Variants in PHYHIPL observed in about 807,000 individuals in gnomAD.
PHYHIPL encodes phytanoyl-CoA hydroxylase-interacting protein-like.
In PHYHIPL, 9 loss-of-function variants were observed where a neutral mutation model predicts 33.4. The observed-to-expected ratio is 0.27, with a 90% CI of 0.16 to 0.47. The LOEUF (loss-of-function observed/expected upper bound fraction) is 0.47. Among genes scored for constraint, PHYHIPL ranks in the 20% least tolerant of loss-of-function variants. The pLI is 0.99. For synonymous variants in PHYHIPL, 153 were observed against 154.1 expected, an observed-to-expected ratio of 0.99 and a Z score of 0.05; for missense variants, 365 against 460.7, an observed-to-expected ratio of 0.79 and a Z score of 1.90.
chr10:59,240,501 TAA>T (rs202003257), intron 4 of PHYHIPL, among the ~76,000 whole-genome samples: 1 of 144,930 alleles, frequency 6.9e-6, no homozygotes, highest in Non-Finnish European at 1.5e-5. Flanking sequence ...GTCTATTTTA[TAA>T]AAAAAAAAAG....
chr10:59,214,115 G>C (rs1839541723), intron 1 of PHYHIPL, among the ~76,000 whole-genome samples: 1 of 152,098 alleles, frequency 6.6e-6, no homozygotes, highest in East Asian at 1.9e-4. Flanking sequence ...ATTGATAAAT[G>C]AATTTCTATT....
At chr10:59,202,069 C>A (rs377687810) in intron 1 of PHYHIPL, among the ~76,000 whole-genome samples, 2 of 152,016 alleles carry the variant, frequency 1.3e-5, no homozygotes, top group African/African-American at 4.8e-5. Flanking sequence ...CAGTAATAGA[C>A]CAGGTATAAG....
chr10:59,177,358 AACAC>A (rs757370945), intron 1 of PHYHIPL: 3 of 1,005,122 alleles, frequency 3.0e-6, no homozygotes, highest in Non-Finnish European at 1.4e-6. Context: ...CCCTTCCCCC[AACAC>A]ACACACACTA....
At chr10:59,234,920 C>T (rs1049832369) in intron 2 of PHYHIPL, among the ~76,000 whole-genome samples, 2 of 151,764 alleles carry the variant, frequency 1.3e-5, no homozygotes, top group Non-Finnish European at 3.0e-5. Context: ...CTCCACTGAA[C>T]ATAATTTATT....
At chr10:59,184,440 G>GA (rs1838506853) in intron 1 of PHYHIPL, among the ~76,000 whole-genome samples, 2 of 151,974 alleles carry the variant, frequency 1.3e-5, no homozygotes, top group Non-Finnish European at 2.9e-5. Context: ...GAGTTTTTGG[G>GA]AAAAAACTGT....
intron 1 of PHYHIPL, among the ~76,000 whole-genome samples, chr10:59,232,989 T>C (rs1323963335): frequency 6.6e-6 from 1 of 151,916 alleles, no homozygotes; most frequent in East Asian, 1.9e-4. Flanking sequence ...GGGGATTCTA[T>C]GCGACCTGAT....
chr10:59,240,693 A>C (rs1282273523), intron 4 of PHYHIPL, among the ~76,000 whole-genome samples: 1 of 152,138 alleles, frequency 6.6e-6, no homozygotes, highest in East Asian at 1.9e-4. Flanking sequence ...TTGGTAAGAA[A>C]TACATCAAAA....
chr10:59,183,714 A>G, intron 1 of PHYHIPL: 1 of 980,584 alleles, frequency 1.0e-6, no homozygotes, highest in Non-Finnish European at 1.2e-6. Flanking sequence ...AATTGTCGTT[A>G]GTTTTGTTTG....
intron 1 of PHYHIPL, among the ~76,000 whole-genome samples, chr10:59,209,330 G>A (rs1246510450): frequency 6.6e-6 from 1 of 152,074 alleles, no homozygotes; most frequent in African/African-American, 2.4e-5. Flanking sequence ...GCCAAATTAA[G>A]CTTCATAAGT....
At chr10:59,220,158 T>TA (rs1281808451) in intron 1 of PHYHIPL, among the ~76,000 whole-genome samples, 3 of 152,132 alleles carry the variant, frequency 2.0e-5, no homozygotes, top group South Asian at 2.1e-4. Flanking sequence ...TATAAAATGA[T>TA]AAAAAGATAG....
intron 1 of PHYHIPL, among the ~76,000 whole-genome samples, chr10:59,187,087 A>G (rs1299476523): frequency 1.3e-5 from 2 of 152,110 alleles, no homozygotes; most frequent in Non-Finnish European, 2.9e-5. Context: ...TCAGTATGAT[A>G]TTGGCTGTGG....
At chr10:59,204,016 G>A (rs1171551222) in intron 1 of PHYHIPL, among the ~76,000 whole-genome samples, 2 of 152,082 alleles carry the variant, frequency 1.3e-5, no homozygotes, top group Non-Finnish European at 1.5e-5. Context: ...GAAGCCTAAA[G>A]GATTACATGT....
chr10:59,183,029 A>G (rs1208777782), intron 1 of PHYHIPL, among the ~76,000 whole-genome samples: 1 of 152,174 alleles, frequency 6.6e-6, no homozygotes, highest in Non-Finnish European at 1.5e-5. Flanking sequence ...TTCTAGAGGC[A>G]TATCTCTCTC....
At chr10:59,214,856 C>G (rs1027247025) in intron 1 of PHYHIPL, among the ~76,000 whole-genome samples, 1 of 151,914 alleles carries the variant, frequency 6.6e-6, no homozygotes, top group Admixed American at 6.6e-5. Flanking sequence ...CCAAAAACAA[C>G]CAGGAATTTT....
chr10:59,206,741 T>C lies in PHYHIPL; in HGVS notation c.107-27563T>C, dbSNP rs562100209. The C allele has an allele frequency of 5.1e-5, 61 of 1,199,690 alleles. No homozygotes were observed. In the African/African-American group the frequency reaches 8.8e-4, roughly 17 times the overall value. The allele number at this position is 1,199,690 out of a possible 1,614,324, so 74.3% of individuals were successfully genotyped here. ...AACTAAAAGCTGTTATGCATTTCTT[T>C]TTTATTTTTTAGTTGTTTTTGAAGA... On this transcript the variant is annotated intron_variant, in intron 1 of 4. Transcript: ENST00000373880.
chr10:59,176,963 A>G lies in PHYHIPL; in HGVS notation c.106+4A>G. ...ATTCAGCTGTGCGACCGGGACGGTAAGAGCGGCCGGGACCGCGAGGAAAGG... is the reference window on the plus strand; with the variant it reads ...ATTCAGCTGTGCGACCGGGACGGTAGGAGCGGCCGGGACCGCGAGGAAAGG... On this transcript the variant is annotated splice_donor_region_variant and intron_variant, in intron 1 of 4. Transcript: ENST00000373880. 6.2e-7 allele frequency: 1 copy of G among 1,612,162 alleles called. No homozygotes were observed. Among genetic ancestry groups the G allele is most frequent in the Non-Finnish European group, 8.5e-7 (1 of 1,179,310 alleles).
At chr10:59,199,233 A>G (rs1249489762) in intron 1 of PHYHIPL, among the ~76,000 whole-genome samples, 2 of 152,190 alleles carry the variant, frequency 1.3e-5, no homozygotes, top group Non-Finnish European at 2.9e-5. Context: ...TAATTTTTAT[A>G]TAAGATATAA....
chr10:59,184,053 A>G (rs1838495521), intron 1 of PHYHIPL, among the ~76,000 whole-genome samples: 1 of 152,232 alleles, frequency 6.6e-6, no homozygotes, highest in Admixed American at 6.5e-5. Context: ...GATAAATGCC[A>G]ACAAGAATTA....
intron 3 of PHYHIPL, 108 bp from the exon 4 acceptor site, chr10:59,238,480 A>C (rs1840292227): frequency 1.9e-6 from 1 of 527,844 alleles, no homozygotes; most frequent in South Asian, 4.3e-5. Flanking sequence ...CCTATTTATT[A>C]AGTTGAATTC....
Sources: allele counts gnomAD v4.1 joint callset (sites outside exome capture counted in the v4.1 genomes callset), GRCh38; gene constraint gnomAD v4.1.1; transcripts MANE v1.5; gene names NCBI Gene and HGNC (gene_info 2026-07-23, HGNC 2026-07-21).